The following MYO5A variants were observed in gnomAD, a reference collection of about 807,000 sequenced individuals.
The protein encoded by MYO5A is myosin VA.
Under a neutral mutation model 249.7 loss-of-function variants are expected in MYO5A, and 98 were observed. The observed-to-expected ratio is 0.39, with a 90% CI of 0.33 to 0.46. The LOEUF (loss-of-function observed/expected upper bound fraction) is 0.46, where lower values mean the gene tolerates loss of function less well. MYO5A is among the 20% of genes least tolerant of loss of function. The probability of loss-of-function intolerance (pLI) is 0.98; values close to 1 mark genes in which losing one functional copy is unlikely to be tolerated. For missense variants in MYO5A, 1,696 were observed against 2,308.8 expected, an observed-to-expected ratio of 0.73 and a Z score of 5.44; for synonymous variants, 778 against 810.6, an observed-to-expected ratio of 0.96 and a Z score of 0.68.
chr15:52,500,179 G>GT (rs767795880), intron 1 of MYO5A, among the ~76,000 whole-genome samples: 43 of 151,914 alleles, frequency 2.8e-4, no homozygotes, highest in African/African-American at 9.9e-4. Flanking sequence ...TTCAACATTT[G>GT]TATTTTTTTG....
intron 24 of MYO5A, among the ~76,000 whole-genome samples, chr15:52,361,842 C>T (rs557140024): frequency 5.3e-5 from 8 of 152,210 alleles, no homozygotes; most frequent in Non-Finnish European, 8.8e-5. Flanking sequence ...CCTTCAAGAT[C>T]TGCACCTCCC....
chr15:52,353,817 C>A, intron 26 of MYO5A, 54 bp downstream of exon 26: 2 of 1,610,224 alleles, frequency 1.2e-6, no homozygotes, highest in Non-Finnish European at 1.7e-6. Flanking sequence ...GAAGAGACTG[C>A]TGAAATGGAC....
At chr15:52,491,435 C>T (rs2076933970) in intron 1 of MYO5A, among the ~76,000 whole-genome samples, 1 of 152,060 alleles carries the variant, frequency 6.6e-6, no homozygotes, top group African/African-American at 2.4e-5. Context: ...AAGAAAACCC[C>T]ACATTTCCAC....
At position 52,353,622 on chromosome 15, in the gene MYO5A, C is replaced by G; in HGVS notation, c.3604G>C (p.Glu1202Gln). The G allele has an allele frequency of 1.2e-6, 2 of 1,614,036 alleles. No homozygotes were observed. Among genetic ancestry groups the G allele is most frequent in the Non-Finnish European group, 1.7e-6 (2 of 1,179,892 alleles). ...CCCATTACCTTGAGTGACTCATATT[C>G]CAGTTCTGCACCTCTAATTTGTGGT... ...ERPQIRGAEL[E>Q]YESLKRQELE... Residue 1202 changes from glutamate (E) to glutamine (Q), a missense_variant, in exon 27 of 42, where the codon GAA becomes CAA. Transcript: ENST00000399233.
At position 52,327,841 on chromosome 15, in the gene MYO5A, C is replaced by G; in HGVS notation, c.4710+11G>C. Reference sequence around the variant, plus strand: ...AATTCATGATGAGAATTTTGTTGAACAGGAACTGACCTTCAATACTTTTTT... The same window carrying G: ...AATTCATGATGAGAATTTTGTTGAAGAGGAACTGACCTTCAATACTTTTTT... On this transcript the variant is annotated intron_variant, in intron 36 of 41. Coordinates refer to ENST00000399233, the MANE Select transcript of MYO5A (RefSeq NM_001382347.1). The G allele has an allele frequency of 6.2e-7, 1 of 1,610,942 alleles. No homozygotes were observed. The highest frequency in any genetic ancestry group is 8.5e-7 in the Non-Finnish European group (1 of 1,177,232).
At chr15:52,508,899 C>T (rs143916728) in intron 1 of MYO5A, among the ~76,000 whole-genome samples, 6 of 152,096 alleles carry the variant, frequency 3.9e-5, no homozygotes, top group African/African-American at 9.6e-5. Flanking sequence ...AAACGTAAGC[C>T]GTATGTTATA....
chr15:52,364,793 G>T (rs1229570239), intron 23 of MYO5A, 91 bp from the exon 24 acceptor site: 6 of 1,487,622 alleles, frequency 4.0e-6, no homozygotes, highest in Non-Finnish European at 5.6e-6. Context: ...TTTCTCTGTA[G>T]GCAATTTTAC....
At chr15:52,384,118 C>A (rs1055205009) in intron 15 of MYO5A, 43 bp downstream of exon 15, 36 of 1,612,466 alleles carry the variant, frequency 2.2e-5, no homozygotes, top group Non-Finnish European at 2.7e-5. Flanking sequence ...TTCAGATGAG[C>A]CAGAAAGGAA....
At chr15:52,443,983 C>CAA in intron 1 of MYO5A, among the ~76,000 whole-genome samples, 1 of 142,700 alleles carries the variant, frequency 7.0e-6, no homozygotes, top group East Asian at 2.0e-4. Flanking sequence ...ACTCTGTCTC[C>CAA]AAAAAAAAAA....
At chr15:52,390,057 T>G (rs1399459252) in intron 12 of MYO5A, among the ~76,000 whole-genome samples, 4 of 152,208 alleles carry the variant, frequency 2.6e-5, no homozygotes, top group African/African-American at 9.7e-5. Context: ...ACATCACATG[T>G]TCTCATTTAT....
intron 1 of MYO5A, among the ~76,000 whole-genome samples, chr15:52,455,413 C>T (rs1051102745): frequency 2.0e-5 from 3 of 152,002 alleles, no homozygotes; most frequent in Non-Finnish European, 2.9e-5. Context: ...TCTGCTCAAA[C>T]TCTTCAAAAA....
chr15:52,342,123 C>T (rs1479665597), intron 31 of MYO5A, among the ~76,000 whole-genome samples: 1 of 152,156 alleles, frequency 6.6e-6, no homozygotes, highest in Non-Finnish European at 1.5e-5. Context: ...CTTTGGGAGG[C>T]CGAGGCAGGA....
chr15:52,460,711 A>G (rs1159283071), intron 1 of MYO5A, among the ~76,000 whole-genome samples: 1 of 152,212 alleles, frequency 6.6e-6, no homozygotes, highest in Non-Finnish European at 1.5e-5. Context: ...GTTATAGCTT[A>G]AAGAAGTTAT....
intron 1 of MYO5A, among the ~76,000 whole-genome samples, chr15:52,485,926 T>C (rs2141514238): frequency 6.6e-6 from 1 of 152,358 alleles, no homozygotes; most frequent in African/African-American, 2.4e-5. Context: ...TTCAAGAGCC[T>C]GGCATTAAGC....
At chr15:52,490,696 A>T (rs1445693038) in intron 1 of MYO5A, among the ~76,000 whole-genome samples, 3 of 151,942 alleles carry the variant, frequency 2.0e-5, no homozygotes, top group Non-Finnish European at 4.4e-5. Context: ...AGTTTTAGAG[A>T]TTGGTTGTAC....
intron 4 of MYO5A, among the ~76,000 whole-genome samples, chr15:52,421,644 T>G (rs928811627): frequency 1.3e-5 from 2 of 152,150 alleles, no homozygotes; most frequent in Non-Finnish European, 2.9e-5. Context: ...ACACAATGCT[T>G]CTTCTGCTTT....
Position 52,515,980 on chromosome 15 carries a change from T to A in MYO5A, c.27+12800A>T, listed in dbSNP as rs922767264. Among the ~76,000 whole-genome samples, 3 of 152,154 alleles carry A rather than the reference T, an allele frequency of 2.0e-5. No individual in the cohort carries two copies. In the East Asian group the frequency reaches 5.8e-4, roughly 29 times the overall value. ...CAACAATAGTAATAACTAATACTTG[T>A]AAGAATTTACTAAATACCGGTCACT... On this transcript the variant is annotated intron_variant, in intron 1 of 41. Transcript: ENST00000399233.
rs78982499 is a variant in MYO5A, at chr15:52,406,673, G to A, written c.946+619C>T. ...TTTTTCTTTAAGTTGTAGATGACAAGTTCTAAAGATTAATTTATTCACATG... is the reference window on the plus strand; with the variant it reads ...TTTTTCTTTAAGTTGTAGATGACAAATTCTAAAGATTAATTTATTCACATG... On this transcript the variant is annotated intron_variant, in intron 8 of 41. Coordinates refer to ENST00000399233, the MANE Select transcript of MYO5A (RefSeq NM_001382347.1). 8.7e-3 allele frequency among the ~76,000 whole-genome samples: 1,321 copies of A among 151,986 alleles called. 22 individuals carry two copies. The highest frequency in any genetic ancestry group is 0.031 in the African/African-American group (1,274 of 41,460).
intron 1 of MYO5A, among the ~76,000 whole-genome samples, chr15:52,513,425 C>T (rs1343665463): frequency 1.5e-5 from 2 of 130,276 alleles, no homozygotes; most frequent in Non-Finnish European, 1.7e-5. Context: ...GAGCAAAACT[C>T]CATCTTAAAA....
Sources: gnomAD v4.1 joint callset for allele counts (sites outside exome capture counted in the v4.1 genomes callset) on GRCh38, gnomAD v4.1.1 for gene constraint, MANE v1.5 for transcripts, NCBI Gene and HGNC (gene_info 2026-07-23, HGNC 2026-07-21) for gene names.